Variants in SUSD6 observed in about 807,000 individuals in gnomAD.
SUSD6 encodes the protein sushi domain containing 6, also known as sushi domain-containing protein 6.
In SUSD6, 16 loss-of-function variants were observed where a neutral mutation model predicts 28.4. That is an observed-to-expected ratio of 0.56 (90% CI 0.38 to 0.86). The LOEUF (loss-of-function observed/expected upper bound fraction) is 0.86. Among genes scored for constraint, SUSD6 ranks in the 40% least tolerant of loss-of-function variants. SUSD6 has a pLI of 0.00. For synonymous variants in SUSD6, 147 were observed against 159.6 expected (o/e 0.92, Z 0.59); for missense variants, 341 against 384.2 (o/e 0.89, Z 0.94).
At chr14:69,691,308 G>T (rs1009229730) in intron 2 of SUSD6, among the ~76,000 whole-genome samples, 1 of 152,122 alleles carries the variant, frequency 6.6e-6, no homozygotes, top group Admixed American at 6.5e-5. Context: ...ACAAGATCGT[G>T]CCACTAGACA....
intron 2 of SUSD6, among the ~76,000 whole-genome samples, chr14:69,667,379 T>C (rs1048848966): frequency 1.6e-4 from 23 of 141,244 alleles, no homozygotes; most frequent in Admixed American, 1.4e-4. Flanking sequence ...TCTTTTTTTT[T>C]TTTTTTTTTT....
intron 2 of SUSD6, chr14:69,670,334 C>A: frequency 2.4e-6 from 1 of 418,932 alleles, no homozygotes; most frequent in South Asian, 1.6e-5. Flanking sequence ...TGAATTCCTG[C>A]TGAATGCCAA....
At chr14:69,635,192 G>C (rs1189359866) in intron 1 of SUSD6, among the ~76,000 whole-genome samples, 1 of 152,222 alleles carries the variant, frequency 6.6e-6, no homozygotes, top group Non-Finnish European at 1.5e-5. Flanking sequence ...ATATGTGAAG[G>C]CCTTAGTGTC....
At chr14:69,650,172 C>G (rs1410474549) in intron 1 of SUSD6, among the ~76,000 whole-genome samples, 1 of 152,148 alleles carries the variant, frequency 6.6e-6, no homozygotes, top group East Asian at 1.9e-4. Flanking sequence ...AGCCTAGTCT[C>G]AGGCAGTGTT....
intron 2 of SUSD6, among the ~76,000 whole-genome samples, chr14:69,675,582 G>A (rs1885896053): frequency 6.6e-6 from 1 of 151,500 alleles, no homozygotes; most frequent in Non-Finnish European, 1.5e-5. Context: ...TAAATAATAT[G>A]AACCACCACT....
intron 2 of SUSD6, among the ~76,000 whole-genome samples, chr14:69,696,464 A>G (rs1886226861): frequency 6.6e-6 from 1 of 152,196 alleles, no homozygotes; most frequent in Non-Finnish European, 1.5e-5. Flanking sequence ...CTTTGCTTCT[A>G]CAAACCATTG....
chr14:69,688,972 T>C (rs1320240434), intron 2 of SUSD6, among the ~76,000 whole-genome samples: 2 of 152,224 alleles, frequency 1.3e-5, no homozygotes, highest in Non-Finnish European at 2.9e-5. Flanking sequence ...TGTTCAGTTA[T>C]CTCCTGCTAA....
chr14:69,675,034 C>T (rs1885886806), intron 2 of SUSD6, among the ~76,000 whole-genome samples: 1 of 152,112 alleles, frequency 6.6e-6, no homozygotes, highest in South Asian at 2.1e-4. Context: ...CTCTGTTTCT[C>T]ATTTCCCCCC....
At chr14:69,621,278 A>ATC (rs1489484049) in intron 1 of SUSD6, among the ~76,000 whole-genome samples, 9 of 152,222 alleles carry the variant, frequency 5.9e-5, no homozygotes, top group African/African-American at 2.2e-4. Context: ...ACAAGGAATG[A>ATC]AAGAGTGGTA....
intron 1 of SUSD6, among the ~76,000 whole-genome samples, chr14:69,640,696 T>A (rs1186631922): frequency 1.3e-5 from 2 of 152,206 alleles, no homozygotes; most frequent in African/African-American, 2.4e-5. Flanking sequence ...CCAACAAATA[T>A]CTACACTTGA....
intron 1 of SUSD6, among the ~76,000 whole-genome samples, chr14:69,624,226 G>A (rs1003549032): frequency 2.6e-5 from 4 of 152,174 alleles, no homozygotes; most frequent in African/African-American, 9.7e-5. Flanking sequence ...TAACATATCT[G>A]CTGTACAGGT....
chr14:69,651,851 A>G (rs1033620662), intron 1 of SUSD6, among the ~76,000 whole-genome samples: 4 of 152,196 alleles, frequency 2.6e-5, no homozygotes, highest in Admixed American at 1.3e-4. Flanking sequence ...CTTTGGCTGT[A>G]TTAGTCATTT....
At chr14:69,642,522 G>A (rs1327256788) in intron 1 of SUSD6, among the ~76,000 whole-genome samples, 1 of 152,076 alleles carries the variant, frequency 6.6e-6, no homozygotes, top group Admixed American at 6.6e-5. Flanking sequence ...ACATGGTGGC[G>A]GCAAGAGAAA....
chr14:69,646,695 T>C (rs1426788433), intron 1 of SUSD6, among the ~76,000 whole-genome samples: 1 of 124,964 alleles, frequency 8.0e-6, no homozygotes, highest in African/African-American at 2.9e-5. Context: ...CTTTTTTTTT[T>C]CCATCTTTTT....
intron 2 of SUSD6, among the ~76,000 whole-genome samples, chr14:69,685,280 C>A (rs963248886): frequency 6.6e-6 from 1 of 152,204 alleles, no homozygotes; most frequent in African/African-American, 2.4e-5. Context: ...CCATGAGGCA[C>A]ATTGATTGTT....
chr14:69,613,936 T>C (rs1398165092), intron 1 of SUSD6, among the ~76,000 whole-genome samples: 1 of 152,162 alleles, frequency 6.6e-6, no homozygotes, highest in Non-Finnish European at 1.5e-5. Context: ...AGCCCAGAAT[T>C]TGGTGAGATA....
chr14:69,623,576 A>G lies in SUSD6; in HGVS notation c.-81+11748A>G, dbSNP rs145423596. ...CTTCTACTTAGGAAAAAACTCCCCA[A>G]AAAAACAGTTAACTGTAAAACAGCC... On this transcript the variant is annotated intron_variant, in intron 1 of 5. Transcript: ENST00000342745. Among the ~76,000 whole-genome samples, 2,018 of 152,324 alleles carry G rather than the reference A, an allele frequency of 0.013. 74 individuals carry two copies. The South Asian group carries it at 0.14, about 11-fold the overall frequency.
intron 3 of SUSD6, 166 bp downstream of exon 3, chr14:69,703,758 T>C: frequency 4.6e-6 from 3 of 648,088 alleles, no homozygotes; most frequent in South Asian, 1.8e-5. Flanking sequence ...TTGTGGAAGA[T>C]ACTTGAGGTT....
At chr14:69,662,898 T>C (rs1401099348) in intron 2 of SUSD6, among the ~76,000 whole-genome samples, 3 of 152,262 alleles carry the variant, frequency 2.0e-5, no homozygotes, top group African/African-American at 7.2e-5. Flanking sequence ...GCACTTGGCA[T>C]ATAAAATGAA....
Sources: allele counts gnomAD v4.1 joint callset (sites outside exome capture counted in the v4.1 genomes callset), GRCh38; gene constraint gnomAD v4.1.1; transcripts MANE v1.5; gene names NCBI Gene and HGNC (gene_info 2026-07-23, HGNC 2026-07-21).